FBXW4: variants seen among roughly 807,000 people sequenced by gnomAD.
FBXW4 encodes F-box/WD repeat-containing protein 4.
A neutral mutation model predicts 61.8 loss-of-function variants in FBXW4; 40 were observed. The ratio of observed to expected loss-of-function variants is 0.65; its 90% CI spans 0.50 to 0.84. The LOEUF (loss-of-function observed/expected upper bound fraction) is 0.84. Ranked by LOEUF, FBXW4 falls within the 40% of genes least tolerant of loss-of-function variation. FBXW4 has a pLI of 0.00. For missense variants in FBXW4, 672 were observed against 753.8 expected, an observed-to-expected ratio of 0.89 and a Z score of 1.27; for synonymous variants, 311 against 313.8, an observed-to-expected ratio of 0.99 and a Z score of 0.10.
intron 5 of FBXW4, among the ~76,000 whole-genome samples, chr10:101,635,484 A>G (rs1284414117): frequency 6.6e-6 from 1 of 151,516 alleles, no homozygotes; most frequent in East Asian, 2.0e-4. Flanking sequence ...CCCTGGTGCC[A>G]AATATGTTGG....
At chr10:101,632,211 TACAC>T in intron 5 of FBXW4, among the ~76,000 whole-genome samples, 1 of 150,442 alleles carries the variant, frequency 6.6e-6, no homozygotes, top group South Asian at 2.1e-4. Flanking sequence ...ACATATTCTC[TACAC>T]ACACACACAC....
At chr10:101,683,534 G>A (rs12263004) in intron 1 of FBXW4, among the ~76,000 whole-genome samples, 4,013 of 152,150 alleles carry the variant, frequency 0.026, 181 homozygotes, top group African/African-American at 0.089. Context: ...AGTCCAGAGG[G>A]ACAGAAATTA....
intron 1 of FBXW4, among the ~76,000 whole-genome samples, chr10:101,683,269 GCCC>G (rs2064497918): frequency 2.0e-5 from 3 of 152,230 alleles, no homozygotes; most frequent in Admixed American, 6.5e-5. Context: ...AATGATTAGT[GCCC>G]TGTAAATAAA....
intron 5 of FBXW4, among the ~76,000 whole-genome samples, chr10:101,641,521 C>T (rs187106944): frequency 6.6e-6 from 1 of 152,160 alleles, no homozygotes; most frequent in Admixed American, 6.5e-5. Context: ...ACTATAGGAG[C>T]AAACTCAAAT....
At chr10:101,627,991 G>T (rs1489158191) in intron 5 of FBXW4, 1 of 985,248 alleles carries the variant, frequency 1.0e-6, no homozygotes, top group East Asian at 1.1e-4. Flanking sequence ...TAACCTGTTC[G>T]ATTTGAATCC....
At chr10:101,631,763 G>A (rs1031815445) in intron 5 of FBXW4, among the ~76,000 whole-genome samples, 2 of 152,042 alleles carry the variant, frequency 1.3e-5, no homozygotes, top group Non-Finnish European at 2.9e-5. Context: ...AAGTAGCTGG[G>A]AATATAGGCG....
At chr10:101,646,156 T>C (rs931793490) in intron 5 of FBXW4, among the ~76,000 whole-genome samples, 16 of 152,238 alleles carry the variant, frequency 1.1e-4, no homozygotes, top group Non-Finnish European at 2.2e-4. Flanking sequence ...ACCTATACTG[T>C]TCCCCTGCAG....
intron 5 of FBXW4, among the ~76,000 whole-genome samples, chr10:101,653,842 G>A (rs1349931392): frequency 6.6e-6 from 1 of 152,146 alleles, no homozygotes; most frequent in Admixed American, 6.5e-5. Context: ...GGCACTCGGG[G>A]CCAGGCGCAG....
intron 5 of FBXW4, among the ~76,000 whole-genome samples, chr10:101,634,967 G>C (rs1032345005): frequency 4.0e-5 from 6 of 148,678 alleles, no homozygotes; most frequent in Non-Finnish European, 7.4e-5. Flanking sequence ...TATACAGCAG[G>C]GGTCTCCAAC....
chr10:101,671,048 G>A (rs1237408510), intron 4 of FBXW4, among the ~76,000 whole-genome samples: 1 of 152,202 alleles, frequency 6.6e-6, no homozygotes, highest in African/African-American at 2.4e-5. Context: ...GAAGGTTCAG[G>A]TGTATTAGAA....
intron 5 of FBXW4, among the ~76,000 whole-genome samples, chr10:101,633,679 C>T (rs964240487): frequency 6.6e-6 from 1 of 151,724 alleles, no homozygotes; most frequent in Non-Finnish European, 1.5e-5. Flanking sequence ...TTATTATATA[C>T]CAGCAATAAC....
At chr10:101,625,643 G>A (rs968469435) in intron 5 of FBXW4, 1 of 152,292 alleles carries the variant, frequency 6.6e-6, no homozygotes, top group Admixed American at 6.5e-5. Context: ...CAGGCTGGCT[G>A]TAGTGCTGGC....
At chr10:101,627,568 A>G (rs562477193) in intron 5 of FBXW4, among the ~76,000 whole-genome samples, 1 of 152,148 alleles carries the variant, frequency 6.6e-6, no homozygotes, top group East Asian at 1.9e-4. Flanking sequence ...AGGAAGAATG[A>G]GCAAAAGCTA....
At chr10:101,666,844 G>A (rs898160875) in intron 5 of FBXW4, among the ~76,000 whole-genome samples, 2 of 151,902 alleles carry the variant, frequency 1.3e-5, no homozygotes, top group African/African-American at 4.8e-5. Flanking sequence ...ATCACTTGAG[G>A]CCAGGAGTTT....
chr10:101,632,495 C>G (rs967809823), intron 5 of FBXW4, among the ~76,000 whole-genome samples: 3 of 152,108 alleles, frequency 2.0e-5, no homozygotes, highest in Non-Finnish European at 4.4e-5. Flanking sequence ...GATAGGAGAG[C>G]CTAGCCCAGG....
chr10:101,672,929 C>A lies in FBXW4; in HGVS notation c.1126G>T (p.Asp376Tyr), dbSNP rs2064371875. Residue 376 changes from aspartate to tyrosine, a missense_variant, in exon 4 of 9, where the codon GAC becomes TAC. By Grantham distance (160) the Asp-to-Tyr change is radical. Around this residue, in one of 5 missense-constraint regions of FBXW4, gnomAD observed 312 missense variants for 370.1 expected, o/e 0.84. Coordinates refer to ENST00000331272, the MANE Select transcript of FBXW4 (RefSeq NM_022039.4). ...GACCACCTCACCTTGGCCGTCCTGT[C>A]CCTGGAGCCACTCACAATGATGCCC... The part of the protein sequence containing the change: ...KGGIIVSGSR[D>Y]RTAKVWPLAS... 5.6e-6 allele frequency: 9 copies of A among 1,614,082 alleles called. No homozygotes were observed. Among genetic ancestry groups the A allele is most frequent in the Non-Finnish European group, 6.8e-6 (8 of 1,180,016 alleles).
At chr10:101,650,476 A>G (rs1372914830) in intron 5 of FBXW4, among the ~76,000 whole-genome samples, 1 of 151,974 alleles carries the variant, frequency 6.6e-6, no homozygotes, top group African/African-American at 2.4e-5. Context: ...TGAGGCTCAC[A>G]ATCTGTGCTC....
chr10:101,643,510 G>A (rs977262349), intron 5 of FBXW4, among the ~76,000 whole-genome samples: 9 of 152,222 alleles, frequency 5.9e-5, no homozygotes, highest in African/African-American at 1.2e-4. Context: ...CCAGGATGCC[G>A]CAGGCATATG....
intron 5 of FBXW4, among the ~76,000 whole-genome samples, chr10:101,664,910 T>G (rs974858610): frequency 6.6e-6 from 1 of 152,184 alleles, no homozygotes; most frequent in Non-Finnish European, 1.5e-5. Flanking sequence ...CTTCACAATA[T>G]TCTAGTAAGG....
Sources: gnomAD v4.1 joint callset for allele counts (sites outside exome capture counted in the v4.1 genomes callset) on GRCh38, gnomAD v4.1.1 for gene constraint, gnomAD v4.1.1 regional missense constraint, MANE v1.5 for transcripts, NCBI Gene and HGNC (gene_info 2026-07-23, HGNC 2026-07-21) for gene names.